GHRH: variants seen among roughly 807,000 people sequenced by gnomAD.
GHRH encodes somatoliberin.
GHRH carries 7 observed loss-of-function variants against 15.6 expected under a neutral mutation model. The observed-to-expected ratio is 0.45, with a 90% CI of 0.26 to 0.84. The LOEUF (loss-of-function observed/expected upper bound fraction) is 0.84. Ranked by LOEUF, GHRH falls within the 40% of genes least tolerant of loss-of-function variation. GHRH has a pLI of 0.18. For synonymous variants in GHRH, 54 were observed against 50.4 expected, an observed-to-expected ratio of 1.07 and a Z score of -0.30; for missense variants, 117 against 138.0, an observed-to-expected ratio of 0.85 and a Z score of 0.76.
In GHRH at chr20:37,251,661, G is replaced by T. The variant is rs189855796; in HGVS notation, c.309-430C>A. Among the ~76,000 whole-genome samples the T allele has an allele frequency of 3.3e-5, 5 of 152,302 alleles. No individual in the cohort carries two copies. The East Asian group carries it at 9.6e-4, about 29-fold the overall frequency. The stretch of plus-strand genomic sequence containing the variant: ...AGGGGTCGCTGCTGTCCTGTACCCT[G>T]CTATGCCTCTGGTCCAGAGTGTGGC... On this transcript the variant is annotated intron_variant, in intron 4 of 4. Coordinates refer to ENST00000373614, the MANE Select transcript of GHRH (RefSeq NM_021081.6).
rs2068667301 is a variant in GHRH, at chr20:37,258,095, T to C, written c.-19-1187A>G. 6.6e-6 allele frequency among the ~76,000 whole-genome samples: 1 copy of C among 152,198 alleles called. No individual in the cohort carries two copies. The highest frequency in any genetic ancestry group is 6.5e-5 in the Admixed American group (1 of 15,284). Reference sequence around the variant, plus strand: ...GGCCTGCGGACAGCATGCTCTGCAATTAGGGGAAAAACAGCCAGCAGGGGA... The same window carrying C: ...GGCCTGCGGACAGCATGCTCTGCAACTAGGGGAAAAACAGCCAGCAGGGGA... On this transcript the variant is annotated intron_variant, in intron 1 of 4. Coordinates refer to ENST00000373614, the MANE Select transcript of GHRH (RefSeq NM_021081.6). This position sits in a 1 kb window ranked among gnomAD's most constrained non-coding sequence, Gnocchi z 4.1.
chr20:37,261,457 A>T (rs1351159876), intron 1 of GHRH, among the ~76,000 whole-genome samples: 1 of 152,192 alleles, frequency 6.6e-6, no homozygotes, highest in African/African-American at 2.4e-5. Flanking sequence ...AAGCCTGCCC[A>T]CGCATCCTCG....
At chr20:37,251,467 C>G (rs2068620760) in intron 4 of GHRH, among the ~76,000 whole-genome samples, 1 of 152,152 alleles carries the variant, frequency 6.6e-6, no homozygotes, top group African/African-American at 2.4e-5. Flanking sequence ...GGGCCAGTCA[C>G]TTCGCCTTGA....
At chr20:37,253,271 A>G (rs2068632934) in intron 4 of GHRH, among the ~76,000 whole-genome samples, 1 of 152,166 alleles carries the variant, frequency 6.6e-6, no homozygotes, top group African/African-American at 2.4e-5. Context: ...GGGGAACGAC[A>G]GTCATCACGT....
At chr20:37,251,765 A>G (rs1336762493) in intron 4 of GHRH, among the ~76,000 whole-genome samples, 1 of 152,180 alleles carries the variant, frequency 6.6e-6, no homozygotes, top group Non-Finnish European at 1.5e-5. Context: ...CAGGGCTGTT[A>G]CGTGGACACA....
rs1176325836 is a variant in GHRH at position 37,258,875 on chromosome 20, G to A, written c.-19-1967C>T. Among the ~76,000 whole-genome samples, 1 of 152,156 alleles carries A rather than the reference G, an allele frequency of 6.6e-6. No individual in the cohort carries two copies. The highest frequency in any genetic ancestry group is 1.5e-5 in the Non-Finnish European group (1 of 68,026). On this transcript the variant is annotated intron_variant, in intron 1 of 4. Coordinates refer to ENST00000373614, the MANE Select transcript of GHRH (RefSeq NM_021081.6). This position sits in a 1 kb window ranked among gnomAD's most constrained non-coding sequence, Gnocchi z 4.1. ...CTGCCTCAGCCTCCTGAGTAGCTGGGACAGCAGGCATGTGCCATCATGCCC... is the reference window on the plus strand; with the variant it reads ...CTGCCTCAGCCTCCTGAGTAGCTGGAACAGCAGGCATGTGCCATCATGCCC...
chr20:37,256,549 G>A, intron 2 of GHRH, 51 bp from the exon 3 acceptor site: 2 of 1,159,192 alleles, frequency 1.7e-6, no homozygotes, highest in Non-Finnish European at 2.6e-6. Flanking sequence ...CCAGGCGAGA[G>A]GACAGTCGTG....
At chr20:37,260,157 A>C (rs2068680170) in intron 1 of GHRH, among the ~76,000 whole-genome samples, 1 of 152,176 alleles carries the variant, frequency 6.6e-6, no homozygotes, top group Admixed American at 6.5e-5. Context: ...GATAAGGCTC[A>C]GCAACTGCAC....
At chr20:37,252,440 A>G (rs1466546275) in intron 4 of GHRH, among the ~76,000 whole-genome samples, 1 of 151,560 alleles carries the variant, frequency 6.6e-6, no homozygotes, top group Non-Finnish European at 1.5e-5. Context: ...TGCCCAGCAG[A>G]GCCACACTGG....
Position 37,251,102 on chromosome 20 carries a change from T to C in GHRH, c.*111A>G. The stretch of plus-strand genomic sequence containing the variant: ...AAAAGAACATTTAAATGCACACCGG[T>C]ATGGGGGAATTTTATTGTATTTTCA... On this transcript the variant is annotated 3_prime_UTR_variant, in exon 5 of 5. Transcript: ENST00000373614. 1 of 650,024 alleles carries C rather than the reference T, an allele frequency of 1.5e-6. No individual in the cohort carries two copies. The highest frequency in any genetic ancestry group is 3.0e-5 in the East Asian group (1 of 33,724). 40.3% of individuals were successfully genotyped at this position (650,024 alleles called of 1,614,324 possible).
rs2146747810 is a variant in GHRH, at chr20:37,254,269, C to G, written c.249G>C (p.Trp83Cys). Residue 83 changes from tryptophan to cysteine, a missense_variant, in exon 4 of 5, where the codon TGG (tryptophan) becomes TGC (cysteine). Coordinates refer to ENST00000373614, the MANE Select transcript of GHRH (RefSeq NM_021081.6). ...CCAATTCCATTTGCTTTTGTTCTGCCCACATGCTGTCTACCTGACGACCAA... is the reference window on the plus strand; with the variant it reads ...CCAATTCCATTTGCTTTTGTTCTGCGCACATGCTGTCTACCTGACGACCAA... Reference protein sequence around the residue: ...ARLGRQVDSMWAEQKQMELES... With the variant: ...ARLGRQVDSMCAEQKQMELES... The G allele has an allele frequency of 6.2e-7, 1 of 1,614,120 alleles. No homozygotes were observed. Among genetic ancestry groups the G allele is most frequent in the East Asian group, 2.2e-5 (1 of 44,882 alleles).
At chr20:37,259,589 C>G (rs2068676938) in intron 1 of GHRH, among the ~76,000 whole-genome samples, 1 of 152,172 alleles carries the variant, frequency 6.6e-6, no homozygotes, top group Admixed American at 6.5e-5. Flanking sequence ...AAAGCTCAAA[C>G]CCCTTCTCTT....
At chr20:37,256,956 G>T in intron 1 of GHRH, 48 bp from the exon 2 acceptor site, 1 of 1,191,478 alleles carries the variant, frequency 8.4e-7, no homozygotes, top group Non-Finnish European at 1.2e-6. Flanking sequence ...CAGCCATTGG[G>T]ATGGCCTTCA....
chr20:37,256,610 T>C, intron 2 of GHRH, 112 bp from the exon 3 acceptor site: 1 of 763,706 alleles, frequency 1.3e-6, no homozygotes, highest in Non-Finnish European at 2.2e-6. Flanking sequence ...TCTGTCCCAC[T>C]CACCCCAAGA....
chr20:37,254,363 T>G, intron 3 of GHRH, 34 bp from the exon 4 acceptor site: 1 of 1,613,614 alleles, frequency 6.2e-7, no homozygotes, highest in Non-Finnish European at 8.5e-7. Context: ...TAGTTGCTAT[T>G]TGGGTAGGAT....
intron 4 of GHRH, among the ~76,000 whole-genome samples, chr20:37,253,748 GTTC>G (rs923204373): frequency 1.4e-4 from 21 of 152,030 alleles, no homozygotes; most frequent in African/African-American, 2.7e-4. Context: ...CACTCCCCTA[GTTC>G]TTCTTCTTTT....
intron 1 of GHRH, among the ~76,000 whole-genome samples, chr20:37,259,351 C>G (rs1600875262): frequency 6.6e-6 from 1 of 152,164 alleles, no homozygotes; most frequent in East Asian, 1.9e-4. Flanking sequence ...CCCCCTTCTC[C>G]CCACCTGGTC....
intron 3 of GHRH, 47 bp from the exon 4 acceptor site, chr20:37,254,376 G>A (rs1029880483): frequency 8.7e-6 from 14 of 1,606,278 alleles, no homozygotes; most frequent in Middle Eastern, 1.6e-4. Flanking sequence ...GGTAGGATGT[G>A]GAAAGGCAGG....
intron 2 of GHRH, 84 bp downstream of exon 2, chr20:37,256,723 T>G: frequency 9.1e-7 from 1 of 1,101,890 alleles, no homozygotes; most frequent in Non-Finnish European, 1.3e-6. Context: ...GCCCAGCTGA[T>G]GGGCTGAGTC....
Sources: allele counts gnomAD v4.1 joint callset (sites outside exome capture counted in the v4.1 genomes callset), GRCh38; gene constraint gnomAD v4.1.1; non-coding constraint Gnocchi (gnomAD v3.1); transcripts MANE v1.5; gene names NCBI Gene and HGNC (gene_info 2026-07-23, HGNC 2026-07-21).